Variants in PHF21B observed in about 807,000 individuals in gnomAD.
The protein encoded by PHF21B is PHD finger protein 4.
Under a neutral mutation model 62.2 loss-of-function variants are expected in PHF21B, and 22 were observed. The ratio of observed to expected loss-of-function variants is 0.35; its 90% CI spans 0.25 to 0.51. The LOEUF is 0.51. Ranked by LOEUF, PHF21B falls within the 20% of genes least tolerant of loss-of-function variation. The pLI, the probability that PHF21B is intolerant of heterozygous loss-of-function variation, is 0.97. For synonymous variants in PHF21B, 341 were observed against 314.7 expected (o/e 1.08, Z -0.88); for missense variants, 701 against 707.9 (o/e 0.99, Z 0.11).
intron 2 of PHF21B, among the ~76,000 whole-genome samples, chr22:44,966,159 C>T (rs537900409): frequency 6.6e-6 from 1 of 152,308 alleles, no homozygotes; most frequent in Non-Finnish European, 1.5e-5. Flanking sequence ...CAGTCCCTCG[C>T]TCCTACGCTG....
chr22:44,926,816 T>C (rs1243714437), intron 2 of PHF21B, among the ~76,000 whole-genome samples: 1 of 152,122 alleles, frequency 6.6e-6, no homozygotes, highest in Non-Finnish European at 1.5e-5. Context: ...GGGGTGGCCG[T>C]GTCTGTATCC....
At chr22:44,901,285 C>T (rs2071154367) in intron 5 of PHF21B, among the ~76,000 whole-genome samples, 1 of 152,238 alleles carries the variant, frequency 6.6e-6, no homozygotes, top group South Asian at 2.1e-4. Flanking sequence ...CCTGGGAAGG[C>T]TGGGCTGGGA....
chr22:44,918,715 C>A (rs2071483108), intron 3 of PHF21B, among the ~76,000 whole-genome samples: 1 of 152,238 alleles, frequency 6.6e-6, no homozygotes, highest in Non-Finnish European at 1.5e-5. Flanking sequence ...AGGCCAACGG[C>A]AGGTGCAGAC....
rs117095932 is a variant in PHF21B at position 44,894,999 on chromosome 22, G to A, written c.883+1033C>T. Reference sequence around the variant, plus strand: ...TTAACTTCAAGACTGCTAGTGCCTCGGGCACCGCGGGGGTTCACTTCATTC... The same window carrying A: ...TTAACTTCAAGACTGCTAGTGCCTCAGGCACCGCGGGGGTTCACTTCATTC... On this transcript the variant is annotated intron_variant, in intron 6 of 12. Coordinates refer to ENST00000313237, the MANE Select transcript of PHF21B (RefSeq NM_138415.5). Among the ~76,000 whole-genome samples, 442 of 152,316 alleles carry A rather than the reference G, an allele frequency of 2.9e-3. 10 individuals are homozygous for A. In the East Asian group the frequency reaches 0.052, roughly 18 times the overall value.
intron 2 of PHF21B, among the ~76,000 whole-genome samples, chr22:44,960,063 A>C (rs1036141980): frequency 1.3e-5 from 2 of 152,144 alleles, no homozygotes; most frequent in Non-Finnish European, 2.9e-5. Context: ...CTAATGGCTG[A>C]AACCTGAGCA....
chr22:44,950,343 A>T (rs2072168185), intron 2 of PHF21B, among the ~76,000 whole-genome samples: 1 of 152,216 alleles, frequency 6.6e-6, no homozygotes, highest in Non-Finnish European at 1.5e-5. Context: ...TCATCAATTC[A>T]TCTAGTTATG....
chr22:45,007,090 G>T (rs1021847434), intron 2 of PHF21B, among the ~76,000 whole-genome samples: 3 of 151,656 alleles, frequency 2.0e-5, no homozygotes, highest in Non-Finnish European at 4.4e-5. Flanking sequence ...GGACGGGGGC[G>T]CGCGGCCGGG....
At chr22:44,989,608 T>G (rs75786162) in intron 2 of PHF21B, 1 of 136,360 alleles carries the variant, frequency 7.3e-6, no homozygotes, top group African/African-American at 2.8e-5. Flanking sequence ...ACTCGACTTT[T>G]TTTTTTTTTT....
chr22:44,964,602 A>C (rs1229360168), intron 2 of PHF21B, among the ~76,000 whole-genome samples: 2 of 152,284 alleles, frequency 1.3e-5, no homozygotes, highest in Non-Finnish European at 2.9e-5. Context: ...CTACATTTTA[A>C]AGGGAGATGA....
At chr22:44,905,141 C>T (rs1302121280) in intron 5 of PHF21B, among the ~76,000 whole-genome samples, 1 of 152,188 alleles carries the variant, frequency 6.6e-6, no homozygotes, top group Non-Finnish European at 1.5e-5. Flanking sequence ...TCCACCTGCC[C>T]TGTCACCCTA....
At chr22:44,946,170 T>C (rs1266264166) in intron 2 of PHF21B, among the ~76,000 whole-genome samples, 1 of 151,698 alleles carries the variant, frequency 6.6e-6, no homozygotes, top group African/African-American at 2.4e-5. Flanking sequence ...CCAGAGGAGG[T>C]GCACTGCGGC....
intron 6 of PHF21B, 61 bp downstream of exon 6, chr22:44,895,971 C>A: frequency 6.3e-7 from 1 of 1,594,142 alleles, no homozygotes. Flanking sequence ...ACCTGGCCCC[C>A]AACACCCCGG....
chr22:44,939,498 A>AG (rs1343123452), intron 2 of PHF21B, among the ~76,000 whole-genome samples: 13 of 152,222 alleles, frequency 8.5e-5, no homozygotes, highest in African/African-American at 3.1e-4. Flanking sequence ...CGAGCTTCCC[A>AG]GGTGGGGGCG....
chr22:44,920,322 A>T, intron 3 of PHF21B, 76 bp downstream of exon 3: 1 of 1,225,866 alleles, frequency 8.2e-7, no homozygotes, highest in Non-Finnish European at 1.1e-6. Context: ...CAGAAACCTC[A>T]GTGCTGAGGG....
chr22:44,917,957 C>T (rs1174741772), intron 3 of PHF21B, among the ~76,000 whole-genome samples: 1 of 152,220 alleles, frequency 6.6e-6, no homozygotes, highest in Admixed American at 6.5e-5. Context: ...AAAATGAGCC[C>T]GGCCTCCCAC....
chr22:44,883,235 G>A lies in PHF21B; in HGVS notation c.1447C>T (p.Arg483Trp), dbSNP rs779999384. The change falls in exon 13 of 13, where the codon CGG (arginine) becomes TGG (tryptophan). Residue 483 changes from arginine to tryptophan, a missense_variant. Transcript: ENST00000313237. ...RGTQSSLDRLRALLRLIQGEQ... is the reference protein window; with the variant it reads ...RGTQSSLDRLWALLRLIQGEQ... Reference sequence around the variant, plus strand: ...CCCTGTATCAGTCTCAGGAGGGCCCGCAGGCGGTCCAGGGATGACTGGGTG... The same window carrying A: ...CCCTGTATCAGTCTCAGGAGGGCCCACAGGCGGTCCAGGGATGACTGGGTG... 1.4e-5 allele frequency: 22 copies of A among 1,613,826 alleles called. No individual in the cohort carries two copies. Among genetic ancestry groups the A allele is most frequent in the South Asian group, 9.9e-5 (9 of 91,086 alleles).
At chr22:44,914,611 A>T (rs569819674) in intron 4 of PHF21B, among the ~76,000 whole-genome samples, 1 of 152,238 alleles carries the variant, frequency 6.6e-6, no homozygotes, top group African/African-American at 2.4e-5. Context: ...CCCTCCCCAC[A>T]CCACAGTGCC....
intron 2 of PHF21B, among the ~76,000 whole-genome samples, chr22:44,979,894 C>T (rs1234944921): frequency 6.6e-6 from 1 of 151,660 alleles, no homozygotes; most frequent in Non-Finnish European, 1.5e-5. Context: ...CATGGTGAAA[C>T]CCGGTCTCTA....
intron 2 of PHF21B, among the ~76,000 whole-genome samples, chr22:44,947,459 T>C (rs1015654734): frequency 2.0e-5 from 3 of 152,202 alleles, no homozygotes; most frequent in South Asian, 4.1e-4. Flanking sequence ...CCCTGCCCTA[T>C]AGAACCTCTC....
Sources: gnomAD v4.1 joint callset for allele counts (sites outside exome capture counted in the v4.1 genomes callset) on GRCh38, gnomAD v4.1.1 for gene constraint, MANE v1.5 for transcripts, NCBI Gene and HGNC (gene_info 2026-07-23, HGNC 2026-07-21) for gene names.